NLGN1: variants seen among roughly 807,000 people sequenced by gnomAD.
The protein encoded by NLGN1 is neuroligin 1.
In NLGN1, 12 loss-of-function variants were observed where a neutral mutation model predicts 65.5. The observed-to-expected ratio is 0.18, with a 90% CI of 0.12 to 0.30. The LOEUF is 0.30. Among genes scored for constraint, NLGN1 ranks in the 10% least tolerant of loss-of-function variants. The probability of loss-of-function intolerance (pLI) is 1.00; values close to 1 mark genes in which losing one functional copy is unlikely to be tolerated. For synonymous variants in NLGN1, 350 were observed against 359.5 expected (o/e 0.97, Z 0.30); for missense variants, 750 against 1,007.1 (o/e 0.74, Z 3.46).
At chr3:174,263,621 T>G (rs1181439291) in intron 4 of NLGN1, among the ~76,000 whole-genome samples, 1 of 152,060 alleles carries the variant, frequency 6.6e-6, no homozygotes, top group Non-Finnish European at 1.5e-5. Context: ...CACTGATGGG[T>G]CTTGACTCTT....
intron 4 of NLGN1, among the ~76,000 whole-genome samples, chr3:174,059,573 A>T (rs2152516005): frequency 6.6e-6 from 1 of 152,218 alleles, no homozygotes; most frequent in Middle Eastern, 3.4e-3. Flanking sequence ...GCCTATAGAC[A>T]TTTTTCACTG....
chr3:173,635,119 TTAA>T (rs1349366812), intron 3 of NLGN1, among the ~76,000 whole-genome samples: 1 of 152,154 alleles, frequency 6.6e-6, no homozygotes, highest in Admixed American at 6.6e-5. Flanking sequence ...AATAGTTATA[TTAA>T]TAATATGAAT....
intron 2 of NLGN1, among the ~76,000 whole-genome samples, chr3:173,483,018 T>A (rs1727557575): frequency 6.6e-6 from 1 of 152,042 alleles, no homozygotes. Context: ...ACAAATCACT[T>A]CACTTCCTGT....
chr3:173,498,814 G>C (rs1345161486), intron 2 of NLGN1, among the ~76,000 whole-genome samples: 1 of 151,866 alleles, frequency 6.6e-6, no homozygotes, highest in South Asian at 2.1e-4. Flanking sequence ...GTGATGATGA[G>C]CATTTTTTCA....
rs1461596671 is a variant in NLGN1 at position 174,176,792 on chromosome 3, G to A, written c.647-98523G>A. Among the ~76,000 whole-genome samples, 4 of 152,022 alleles carry A rather than the reference G, an allele frequency of 2.6e-5. No individual in the cohort carries two copies. The East Asian group carries it at 5.8e-4, about 22-fold the overall frequency. Reference sequence around the variant, plus strand: ...ATGCAACAACGCAAACACTTACACAGTTAATATCATTTGGCTTCATCTTTA... The same window carrying A: ...ATGCAACAACGCAAACACTTACACAATTAATATCATTTGGCTTCATCTTTA... On this transcript the variant is annotated intron_variant, in intron 4 of 6. Coordinates refer to ENST00000457714, the Ensembl canonical transcript of NLGN1.
chr3:173,598,411 C>T (rs1749866971), intron 2 of NLGN1, among the ~76,000 whole-genome samples: 1 of 151,728 alleles, frequency 6.6e-6, no homozygotes, highest in Non-Finnish European at 1.5e-5. Context: ...AGAAGTTCAA[C>T]CATTTAGTTC....
intron 2 of NLGN1, among the ~76,000 whole-genome samples, chr3:173,469,276 C>T (rs2148919241): frequency 6.6e-6 from 1 of 151,936 alleles, no homozygotes; most frequent in Non-Finnish European, 1.5e-5. Flanking sequence ...TTTCTAAAAT[C>T]TCTTTTCAAA....
At chr3:173,747,104 G>A (rs905292771) in intron 3 of NLGN1, among the ~76,000 whole-genome samples, 8 of 147,890 alleles carry the variant, frequency 5.4e-5, no homozygotes, top group Non-Finnish European at 1.2e-4. Context: ...ACACACACGT[G>A]TGTATACCAC....
intron 4 of NLGN1, among the ~76,000 whole-genome samples, chr3:173,979,480 C>T (rs529508087): frequency 1.1e-3 from 164 of 152,090 alleles, no homozygotes; most frequent in Non-Finnish European, 1.8e-3. Flanking sequence ...AAAATAATGG[C>T]TAATGGGCTC....
In NLGN1 at chr3:174,221,901, T is replaced by C. The variant is rs181005017; in HGVS notation, c.647-53414T>C. On this transcript the variant is annotated intron_variant, in intron 4 of 6. Coordinates refer to ENST00000457714, the Ensembl canonical transcript of NLGN1. ...TGTGTCTCTGTGTCGGATCTGAATG[T>C]TGCTCATGTTTTTTGTTTTGTTTTT... 6.6e-4 allele frequency among the ~76,000 whole-genome samples: 101 copies of C among 152,270 alleles called. 1 individual carries two copies. The highest frequency in any genetic ancestry group is 1.5e-3 in the East Asian group (8 of 5,182).
chr3:174,125,172 A>G (rs1472682854), intron 4 of NLGN1, among the ~76,000 whole-genome samples: 3 of 152,106 alleles, frequency 2.0e-5, no homozygotes, highest in Non-Finnish European at 2.9e-5. Flanking sequence ...TAAAGTTTAG[A>G]TATGATCTTA....
intron 3 of NLGN1, among the ~76,000 whole-genome samples, chr3:173,677,648 A>G (rs994527684): frequency 2.6e-5 from 4 of 152,108 alleles, no homozygotes; most frequent in African/African-American, 9.7e-5. Context: ...CTAAACATAC[A>G]TTTAAAAAAC....
chr3:174,125,350 T>G (rs1718706643), intron 4 of NLGN1, among the ~76,000 whole-genome samples: 1 of 152,080 alleles, frequency 6.6e-6, no homozygotes, highest in Non-Finnish European at 1.5e-5. Flanking sequence ...AAAATATATT[T>G]AAGAGGAAGT....
chr3:173,799,704 A>C (rs1167972753), intron 3 of NLGN1, among the ~76,000 whole-genome samples: 1 of 151,952 alleles, frequency 6.6e-6, no homozygotes, highest in South Asian at 2.1e-4. Flanking sequence ...ATGAAAACAC[A>C]TGGGGAAATA....
intron 2 of NLGN1, among the ~76,000 whole-genome samples, chr3:173,484,701 T>C (rs576116): frequency 0.1 from 15,671 of 152,220 alleles, 911 homozygotes; most frequent in Admixed American, 0.18. Flanking sequence ...GGTAAAAATT[T>C]AAAGCGTATT....
At chr3:173,519,721 T>G (rs1006819469) in intron 2 of NLGN1, among the ~76,000 whole-genome samples, 1 of 151,460 alleles carries the variant, frequency 6.6e-6, no homozygotes, top group East Asian at 1.9e-4. Context: ...TTTTTTTTTT[T>G]ATTTTACACC....
chr3:174,289,455 C>T (rs571158970), downstream of NLGN1, among the ~76,000 whole-genome samples: 2 of 151,428 alleles, frequency 1.3e-5, no homozygotes, highest in East Asian at 3.9e-4. Context: ...AAGACACAAT[C>T]AGATGTATTT....
At chr3:173,801,926 A>G (rs375657762) in intron 3 of NLGN1, among the ~76,000 whole-genome samples, 6 of 152,240 alleles carry the variant, frequency 3.9e-5, no homozygotes, top group African/African-American at 1.2e-4. Context: ...TACTGTTTCC[A>G]AAACTATAAG....
chr3:173,791,244 A>G (rs563825655), intron 3 of NLGN1, among the ~76,000 whole-genome samples: 1 of 152,258 alleles, frequency 6.6e-6, no homozygotes, highest in East Asian at 1.9e-4. Context: ...AGGACTCTGG[A>G]AGTTCTGGGT....
Sources: gnomAD v4.1 joint callset for allele counts (sites outside exome capture counted in the v4.1 genomes callset) on GRCh38, gnomAD v4.1.1 for gene constraint, MANE v1.5 for transcripts, NCBI Gene and HGNC (gene_info 2026-07-23, HGNC 2026-07-21) for gene names.